The following SMAP2 variants were observed in gnomAD, a reference collection of about 807,000 sequenced individuals.
SMAP2 encodes the protein small ArfGAP2, also known as stromal membrane-associated protein 2.
Under a neutral mutation model 56.4 loss-of-function variants are expected in SMAP2, and 25 were observed. That is an observed-to-expected ratio of 0.44 (90% CI 0.32 to 0.62). SMAP2 has a LOEUF of 0.62. Ranked by LOEUF, SMAP2 falls within the 20% of genes least tolerant of loss-of-function variation. The probability of loss-of-function intolerance (pLI) is 0.04; values close to 1 mark genes in which losing one functional copy is unlikely to be tolerated. For synonymous variants in SMAP2, 157 were observed against 181.7 expected, an observed-to-expected ratio of 0.86 and a Z score of 1.09; for missense variants, 388 against 545.6, an observed-to-expected ratio of 0.71 and a Z score of 2.88.
intron 1 of SMAP2, among the ~76,000 whole-genome samples, chr1:40,380,309 T>C (rs209580): frequency 0.31 from 46,586 of 152,036 alleles, 7,712 homozygotes; most frequent in Non-Finnish European, 0.38. Context: ...GGATGGTCTC[T>C]GGATGTTTCC....
At chr1:40,398,296 A>G (rs960708224) in intron 1 of SMAP2, among the ~76,000 whole-genome samples, 1 of 149,684 alleles carries the variant, frequency 6.7e-6, no homozygotes, top group African/African-American at 2.5e-5. Context: ...TGGTGCAATC[A>G]TAGCTCATTG....
chr1:40,416,227 C>A lies in SMAP2; in HGVS notation c.733C>A (p.Leu245Met), dbSNP rs771798148. 7.4e-6 allele frequency: 12 copies of A among 1,613,940 alleles called. No homozygotes were observed. In the East Asian group the frequency reaches 2.7e-4, roughly 36 times the overall value. The change falls in exon 8 of 10, where the codon CTG (leucine) becomes ATG (methionine). Residue 245 changes from leucine to methionine, a missense_variant. Physicochemically the swap from Leu to Met is conservative, Grantham distance 15. Coordinates refer to ENST00000372718, the MANE Select transcript of SMAP2 (RefSeq NM_022733.3). Reference protein sequence around the residue: ...AGSAGSVPENLNLFPEPGSKS... With the variant: ...AGSAGSVPENMNLFPEPGSKS... Reference sequence around the variant, plus strand: ...GAGTGCCGGCTCTGTTCCTGAAAATCTGAACCTGTTTCCGGAGCCAGGGAG... The same window carrying A: ...GAGTGCCGGCTCTGTTCCTGAAAATATGAACCTGTTTCCGGAGCCAGGGAG...
rs146681721 is a variant in SMAP2, at chr1:40,420,516, A to G, written c.1165-1460A>G. Among the ~76,000 whole-genome samples the G allele has an allele frequency of 4.8e-4, 73 of 152,356 alleles. 2 individuals carry two copies. The highest frequency in any genetic ancestry group is 1.7e-3 in the African/African-American group (69 of 41,578). Reference sequence around the variant, plus strand: ...TGGAGGGAGGAAAAGCCTTCTTTACAGAAGAATGACAGTAGTTGTAAAAAG... The same window carrying G: ...TGGAGGGAGGAAAAGCCTTCTTTACGGAAGAATGACAGTAGTTGTAAAAAG... On this transcript the variant is annotated intron_variant, in intron 9 of 9. Transcript: ENST00000372718.
chr1:40,356,398 G>GTTT (rs749954980), intron 1 of SMAP2, among the ~76,000 whole-genome samples: 24 of 147,272 alleles, frequency 1.6e-4, no homozygotes, highest in South Asian at 4.3e-4. Flanking sequence ...TTTTTTGTGG[G>GTTT]TTTTTTGTTT....
Position 40,374,165 on chromosome 1 carries a change from C to G in SMAP2, c.45C>G (p.Val15=), listed in dbSNP as rs758355722. Residue 15 remains valine, a synonymous_variant, in exon 1 of 10, where the codon GTC becomes GTG. Coordinates refer to ENST00000372718, the MANE Select transcript of SMAP2 (RefSeq NM_022733.3). The surrounding 1 kb of genome is among the most constrained non-coding windows in gnomAD (Gnocchi z 5.9). ...SVKDVDRYQA[V]LANLLLEEDN... Reference sequence around the variant, plus strand: ...AGGACGTGGATCGGTACCAGGCTGTCCTGGCCAACCTGCTGCTGGAGGAGG... The same window carrying G: ...AGGACGTGGATCGGTACCAGGCTGTGCTGGCCAACCTGCTGCTGGAGGAGG... 3 of 1,613,668 alleles carry G rather than the reference C, an allele frequency of 1.9e-6. No homozygotes were observed. The highest frequency in any genetic ancestry group is 8.5e-7 in the Non-Finnish European group (1 of 1,179,850).
chr1:40,360,580 G>A (rs1644455872), intron 1 of SMAP2, among the ~76,000 whole-genome samples: 1 of 152,204 alleles, frequency 6.6e-6, no homozygotes, highest in Non-Finnish European at 1.5e-5. Context: ...TGGGATTACA[G>A]GCATGAGCCA....
intron 1 of SMAP2, among the ~76,000 whole-genome samples, chr1:40,357,219 T>A (rs1335063336): frequency 6.6e-6 from 1 of 152,038 alleles, no homozygotes; most frequent in East Asian, 1.9e-4. Flanking sequence ...AGGTATTTCT[T>A]GAGAAATTTT....
At chr1:40,355,049 T>C (rs902295510) in intron 1 of SMAP2, among the ~76,000 whole-genome samples, 8 of 151,930 alleles carry the variant, frequency 5.3e-5, no homozygotes, top group Non-Finnish European at 1.0e-4. Flanking sequence ...CTCCCAATGT[T>C]CTGCCAGCCT....
intron 1 of SMAP2, among the ~76,000 whole-genome samples, chr1:40,405,370 T>A (rs1388128797): frequency 6.6e-6 from 1 of 152,066 alleles, no homozygotes; most frequent in Non-Finnish European, 1.5e-5. Context: ...ACGCCTATAG[T>A]CCCAGCTACT....
At chr1:40,402,961 T>A (rs1438562915) in intron 1 of SMAP2, among the ~76,000 whole-genome samples, 1 of 152,166 alleles carries the variant, frequency 6.6e-6, no homozygotes, top group Non-Finnish European at 1.5e-5. Flanking sequence ...GGGCCTTCTT[T>A]CTTTGCCTGT....
At chr1:40,420,352 GT>G (rs1645030358) in intron 9 of SMAP2, among the ~76,000 whole-genome samples, 1 of 152,202 alleles carries the variant, frequency 6.6e-6, no homozygotes, top group Non-Finnish European at 1.5e-5. Flanking sequence ...CCAACTTCCA[GT>G]GGCTCTGACT....
chr1:40,345,875 A>G (rs1205165554), intron 1 of SMAP2, among the ~76,000 whole-genome samples: 3 of 127,794 alleles, frequency 2.3e-5, no homozygotes, highest in African/African-American at 3.2e-5. Flanking sequence ...ATTATATTGT[A>G]TTATATTGTA....
intron 1 of SMAP2, among the ~76,000 whole-genome samples, chr1:40,387,272 AC>A (rs1375666419): frequency 6.6e-6 from 1 of 152,214 alleles, no homozygotes; most frequent in Admixed American, 6.5e-5. Context: ...ACGTGTAAAT[AC>A]CTTTATTGTA....
intron 1 of SMAP2, among the ~76,000 whole-genome samples, chr1:40,375,968 T>A (rs1372420860): frequency 6.6e-6 from 1 of 152,204 alleles, no homozygotes; most frequent in Non-Finnish European, 1.5e-5. Flanking sequence ...ATTTTTATTT[T>A]TTGAGACAGT....
At chr1:40,372,499 G>A (rs1366771365), upstream of SMAP2, among the ~76,000 whole-genome samples, 2 of 152,112 alleles carry the variant, frequency 1.3e-5, no homozygotes, top group Non-Finnish European at 2.9e-5. Context: ...ATACCTACTT[G>A]GATGGGTTTT....
intron 1 of SMAP2, among the ~76,000 whole-genome samples, chr1:40,350,924 C>T (rs1644406908): frequency 6.6e-6 from 1 of 152,206 alleles, no homozygotes; most frequent in Admixed American, 6.5e-5. Context: ...TATTCTGCCC[C>T]ATTCTGCTCA....
At chr1:40,381,370 G>A (rs898931480) in intron 1 of SMAP2, among the ~76,000 whole-genome samples, 3 of 152,218 alleles carry the variant, frequency 2.0e-5, no homozygotes, top group African/African-American at 7.2e-5. Context: ...TATACAGGGA[G>A]AAATGAAAGC....
At chr1:40,401,403 C>G (rs143242743) in intron 1 of SMAP2, among the ~76,000 whole-genome samples, 1 of 152,186 alleles carries the variant, frequency 6.6e-6, no homozygotes, top group Non-Finnish European at 1.5e-5. Flanking sequence ...TCTCTCCCTT[C>G]GCGTAGCCTG....
At chr1:40,378,981 CT>C (rs11353360) in intron 1 of SMAP2, among the ~76,000 whole-genome samples, 58,950 of 134,624 alleles carry the variant, frequency 0.44, 12,531 homozygotes, top group Non-Finnish European at 0.53. Context: ...CTTTTCTTTT[CT>C]TTTTTTTTTT....
Sources: gnomAD v4.1 joint callset for allele counts (sites outside exome capture counted in the v4.1 genomes callset) on GRCh38, gnomAD v4.1.1 for gene constraint, Gnocchi (gnomAD v3.1) non-coding constraint, MANE v1.5 for transcripts, NCBI Gene and HGNC (gene_info 2026-07-23, HGNC 2026-07-21) for gene names.